FSTL4: variants seen among roughly 807,000 people sequenced by gnomAD.
FSTL4 encodes follistatin like 4.
A neutral mutation model predicts 78.2 loss-of-function variants in FSTL4; 28 were observed. That is an observed-to-expected ratio of 0.36 (90% CI 0.27 to 0.49). The LOEUF is 0.49. FSTL4 is among the 20% of genes least tolerant of loss of function. The pLI is 0.98. For synonymous variants in FSTL4, 422 were observed against 440.5 expected (o/e 0.96, Z 0.53); for missense variants, 922 against 1,084.9 (o/e 0.85, Z 2.11).
the FSTL4 span, among the ~76,000 whole-genome samples, chr5:133,790,942 A>T: frequency 6.6e-6 from 1 of 152,106 alleles, no homozygotes; most frequent in Non-Finnish European, 1.5e-5. Context: ...CACACAAAAT[A>T]ATACTTTTAA....
At chr5:133,753,302 C>T in the FSTL4 span, among the ~76,000 whole-genome samples, 1 of 152,094 alleles carries the variant, frequency 6.6e-6, no homozygotes, top group Admixed American at 6.5e-5. Context: ...AAAATTGGAC[C>T]CTGCTGAGAG....
intron 6 of FSTL4, among the ~76,000 whole-genome samples, chr5:133,264,789 G>T (rs1752607968): frequency 6.6e-6 from 1 of 152,124 alleles, no homozygotes; most frequent in South Asian, 2.1e-4. Flanking sequence ...TAAGAAAAAT[G>T]CCTCGTTTCC....
chr5:133,833,489 G>A, the FSTL4 span, among the ~76,000 whole-genome samples: 22 of 152,154 alleles, frequency 1.4e-4, no homozygotes, highest in Non-Finnish European at 2.8e-4. Flanking sequence ...CATCTATTTA[G>A]AATCACGGGG....
the FSTL4 span, among the ~76,000 whole-genome samples, chr5:133,674,014 G>T: frequency 2.6e-5 from 4 of 152,094 alleles, no homozygotes; most frequent in South Asian, 8.3e-4. Flanking sequence ...GATGACCCTG[G>T]CAATCACTGA....
At chr5:133,818,180 A>T in the FSTL4 span, among the ~76,000 whole-genome samples, 2 of 152,228 alleles carry the variant, frequency 1.3e-5, no homozygotes, top group African/African-American at 4.8e-5. Flanking sequence ...AGCCCTCAGC[A>T]TGCTCCAGGT....
intron 8 of FSTL4, among the ~76,000 whole-genome samples, chr5:133,227,380 T>G (rs73790241): frequency 0.22 from 32,936 of 152,140 alleles, 4,403 homozygotes; most frequent in African/African-American, 0.37. Flanking sequence ...CTGACCCGTT[T>G]GATCCAAAGA....
intron 7 of FSTL4, among the ~76,000 whole-genome samples, chr5:133,233,817 C>T (rs1751576353): frequency 6.6e-6 from 1 of 152,146 alleles, no homozygotes; most frequent in African/African-American, 2.4e-5. Flanking sequence ...CCAGCACACG[C>T]CCTCTCAATT....
At chr5:133,757,536 A>G in the FSTL4 span, among the ~76,000 whole-genome samples, 1 of 152,342 alleles carries the variant, frequency 6.6e-6, no homozygotes, top group East Asian at 1.9e-4. Context: ...AAATGCTAAG[A>G]AAACAGGAAA....
At chr5:133,754,993 C>T in the FSTL4 span, among the ~76,000 whole-genome samples, 2 of 152,104 alleles carry the variant, frequency 1.3e-5, no homozygotes, top group East Asian at 1.9e-4. Flanking sequence ...CCTTCAAGAC[C>T]CAGCTCTTGC....
At chr5:133,656,880 C>T in the FSTL4 span, among the ~76,000 whole-genome samples, 7 of 152,110 alleles carry the variant, frequency 4.6e-5, no homozygotes, top group Admixed American at 1.3e-4. Context: ...GTCTAGGTGA[C>T]GGATACGTTG....
the FSTL4 span, among the ~76,000 whole-genome samples, chr5:133,646,101 G>C: frequency 1.3e-5 from 2 of 152,288 alleles, no homozygotes; most frequent in African/African-American, 4.8e-5. Flanking sequence ...TAATGATCAG[G>C]TGGACAAAAA....
chr5:133,697,350 C>A, the FSTL4 span, among the ~76,000 whole-genome samples: 18 of 152,140 alleles, frequency 1.2e-4, no homozygotes, highest in Non-Finnish European at 2.5e-4. Flanking sequence ...CCAGATGCAG[C>A]CTCTCCACCA....
the FSTL4 span, among the ~76,000 whole-genome samples, chr5:133,834,379 CA>C: frequency 2.7e-5 from 4 of 149,916 alleles, no homozygotes. Context: ...TTTCTAATGA[CA>C]AAAAAAATTA....
rs374313061 is a variant in FSTL4, at chr5:133,274,118, T to C, written c.728-24542A>G. ...TGGCCAGGGCGGTGGCTGGGGCTGA[T>C]GGAGTTGCTTGCAGAGATGTCCTCT... is the stretch of plus-strand genomic sequence containing the variant. On this transcript the variant is annotated intron_variant, in intron 6 of 15. Coordinates refer to ENST00000265342, the MANE Select transcript of FSTL4 (RefSeq NM_015082.2). Among the ~76,000 whole-genome samples the C allele has an allele frequency of 2.4e-4, 37 of 152,336 alleles. No individual in the cohort carries two copies. In the East Asian group the frequency reaches 5.8e-3, roughly 24 times the overall value.
At chr5:133,691,035 G>T in the FSTL4 span, among the ~76,000 whole-genome samples, 1 of 152,188 alleles carries the variant, frequency 6.6e-6, no homozygotes, top group African/African-American at 2.4e-5. Flanking sequence ...TCATAATCCT[G>T]CCATGCTTTG....
At chr5:133,341,300 T>C (rs995666255) in intron 4 of FSTL4, among the ~76,000 whole-genome samples, 1 of 147,528 alleles carries the variant, frequency 6.8e-6, no homozygotes, top group Non-Finnish European at 1.5e-5. Context: ...ATAAAAAATA[T>C]GTGCAGGAAT....
At chr5:133,709,457 T>C in the FSTL4 span, among the ~76,000 whole-genome samples, 1 of 152,270 alleles carries the variant, frequency 6.6e-6, no homozygotes, top group South Asian at 2.1e-4. Flanking sequence ...TATATTTTCT[T>C]CAGTCTATTT....
chr5:133,329,405 A>G (rs1447397683), intron 4 of FSTL4, among the ~76,000 whole-genome samples: 1 of 152,022 alleles, frequency 6.6e-6, no homozygotes, highest in East Asian at 1.9e-4. Context: ...AGAGAGATAT[A>G]TATATATTTA....
intron 4 of FSTL4, among the ~76,000 whole-genome samples, chr5:133,357,018 A>G (rs12153204): frequency 0.016 from 2,433 of 152,342 alleles, 27 homozygotes; most frequent in Non-Finnish European, 0.025. Flanking sequence ...AGGTTGCAGT[A>G]ACTCTGGAGT....
Sources: allele counts gnomAD v4.1 joint callset (sites outside exome capture counted in the v4.1 genomes callset), GRCh38; gene constraint gnomAD v4.1.1; transcripts MANE v1.5; gene names NCBI Gene and HGNC (gene_info 2026-07-23, HGNC 2026-07-21).